The following RNF17 variants were observed in gnomAD, a reference collection of about 807,000 sequenced individuals.
The protein encoded by RNF17 is spermatogenesis associated 23.
A neutral mutation model predicts 200.5 loss-of-function variants in RNF17; 31 were observed. The observed-to-expected ratio is 0.15, with a 90% CI of 0.12 to 0.21. The LOEUF (loss-of-function observed/expected upper bound fraction) is 0.21. Among genes scored for constraint, RNF17 ranks in the 10% least tolerant of loss-of-function variants. The pLI is 1.00. For missense variants in RNF17, 1,628 were observed against 1,905.1 expected, an observed-to-expected ratio of 0.85 and a Z score of 2.71; for synonymous variants, 606 against 637.8, an observed-to-expected ratio of 0.95 and a Z score of 0.75.
At chr13:24,854,353 A>G (rs887543971) in intron 25 of RNF17, among the ~76,000 whole-genome samples, 1 of 152,340 alleles carries the variant, frequency 6.6e-6, no homozygotes, top group East Asian at 1.9e-4. Context: ...GCAGTGTTAT[A>G]TAATTATATT....
At chr13:24,755,231 C>A in the RNF17 span, among the ~76,000 whole-genome samples, 1 of 152,026 alleles carries the variant, frequency 6.6e-6, no homozygotes, top group South Asian at 2.1e-4. Flanking sequence ...GGTTTTTGAT[C>A]ATTTCCTGTG....
At chr13:24,840,864 G>A (rs911381919) in intron 18 of RNF17, among the ~76,000 whole-genome samples, 4 of 151,994 alleles carry the variant, frequency 2.6e-5, no homozygotes, top group East Asian at 3.9e-4. Flanking sequence ...CAAATACCAC[G>A]TGTACCCCTA....
chr13:24,789,455 C>T, intron 8 of RNF17, 31 bp downstream of exon 8: 1 of 1,423,644 alleles, frequency 7.0e-7, no homozygotes, highest in Non-Finnish European at 9.9e-7. Context: ...GAGACCATAA[C>T]AAGTATAAAG....
intron 18 of RNF17, among the ~76,000 whole-genome samples, chr13:24,838,818 CCAGAGCAGT>C (rs1890297423): frequency 6.8e-6 from 1 of 146,990 alleles, no homozygotes; most frequent in South Asian, 2.2e-4. Context: ...GAAGTCCTAG[CCAGAGCAGT>C]CAAGCAAGAG....
Position 24,864,744 on chromosome 13 carries a change from A to G in RNF17, c.3976-129A>G, listed in dbSNP as rs540338516. 183 of 670,418 alleles carry G rather than the reference A, an allele frequency of 2.7e-4. No homozygotes were observed. In the African/African-American group the frequency reaches 2.9e-3, roughly 11 times the overall value. The allele number at this position is 670,418 out of a possible 1,614,324, so 41.5% of individuals were successfully genotyped here. A position where few individuals can be genotyped will look rare whatever the true frequency, so the allele number is the denominator to read the frequency against. On this transcript the variant is annotated intron_variant, in intron 28 of 35. Transcript: ENST00000255324. ...AAATACCAGGAAGAAAATTCTATGA[A>G]ATGAGTCACTAGCCAAACTGTCTAG...
chr13:24,788,346 A>T (rs557131181), intron 7 of RNF17, among the ~76,000 whole-genome samples, 187 bp downstream of exon 7: 10 of 152,182 alleles, frequency 6.6e-5, no homozygotes, highest in Non-Finnish European at 1.3e-4. Flanking sequence ...GAAATCTAAG[A>T]CAAACATTGT....
rs1412566211 is a variant in RNF17 at position 24,793,162 on chromosome 13, C to T, written c.1056C>T (p.Val352=). ...AAAAGAAAAAGGTTGACATGTCTGT[C>T]CTAACCAGTGAAGCACCACCACCTC... is the stretch of plus-strand genomic sequence containing the variant. ...PLEKKKVDMS[V]LTSEAPPPPL... Residue 352 remains valine (V), a synonymous_variant, in exon 10 of 36, where the codon GTC becomes GTT. Coordinates refer to ENST00000255324, the MANE Select transcript of RNF17 (RefSeq NM_031277.3). 6.2e-7 allele frequency: 1 copy of T among 1,613,950 alleles called. No individual in the cohort carries two copies. Among genetic ancestry groups the T allele is most frequent in the Admixed American group, 1.7e-5 (1 of 59,984 alleles).
At chr13:24,755,255 A>G in the RNF17 span, among the ~76,000 whole-genome samples, 1 of 152,162 alleles carries the variant, frequency 6.6e-6, no homozygotes, top group Admixed American at 6.5e-5. Context: ...GTATTCTCAA[A>G]GCTGAAATTA....
intron 5 of RNF17, among the ~76,000 whole-genome samples, chr13:24,781,408 G>A (rs1882354296): frequency 6.6e-6 from 1 of 152,002 alleles, no homozygotes; most frequent in Non-Finnish European, 1.5e-5. Flanking sequence ...AAGGCAGGAG[G>A]ATCACTTGAG....
chr13:24,842,922 G>C (rs1890806093), intron 19 of RNF17, among the ~76,000 whole-genome samples: 1 of 151,816 alleles, frequency 6.6e-6, no homozygotes, highest in Non-Finnish European at 1.5e-5. Flanking sequence ...AGGAGGCGGA[G>C]GTTGCAGTGA....
intron 35 of RNF17, among the ~76,000 whole-genome samples, 190 bp downstream of exon 35, chr13:24,879,485 T>TG (rs1299806329): frequency 6.6e-6 from 1 of 152,170 alleles, no homozygotes; most frequent in African/African-American, 2.4e-5. Flanking sequence ...TCTGTAAGGA[T>TG]GCCTGGATGG....
At chr13:24,775,837 T>G (rs1464529734) in intron 3 of RNF17, among the ~76,000 whole-genome samples, 14 of 152,202 alleles carry the variant, frequency 9.2e-5, no homozygotes, top group Admixed American at 9.2e-4. Context: ...GTAAGCCCCT[T>G]TAAGGGAATG....
At chr13:24,883,685 T>G (rs1042363637), downstream of RNF17, among the ~76,000 whole-genome samples, 1 of 152,232 alleles carries the variant, frequency 6.6e-6, no homozygotes, top group Non-Finnish European at 1.5e-5. Context: ...ATCTGAGTGT[T>G]TGTTTGCTCT....
In RNF17 at chr13:24,799,445, A is replaced by G. The variant is rs978633201; in HGVS notation, c.1450A>G (p.Thr484Ala). ...TAAAAATGGAATGTGGTGTCGAGGA[A>G]CTATCACAGAATTAATTCCAATAGA... The part of the protein sequence containing the change: ...SIKNGMWCRG[T>A]ITELIPIEGR... Residue 484 changes from threonine to alanine, a missense_variant, in exon 12 of 36, where the codon ACT becomes GCT. Thr to Ala is a moderately conservative substitution (Grantham distance 58). Coordinates refer to ENST00000255324, the MANE Select transcript of RNF17 (RefSeq NM_031277.3). 6 of 1,610,812 alleles carry G rather than the reference A, an allele frequency of 3.7e-6. No individual in the cohort carries two copies. The highest frequency in any genetic ancestry group is 5.1e-6 in the Non-Finnish European group (6 of 1,178,008).
chr13:24,792,448 T>G (rs988366070), intron 9 of RNF17, among the ~76,000 whole-genome samples: 4 of 151,904 alleles, frequency 2.6e-5, no homozygotes, highest in African/African-American at 9.7e-5. Context: ...AGACAGAAGT[T>G]GAAGGAGAAC....
Position 24,776,184 on chromosome 13 carries a change from A to G in RNF17, c.317+1280A>G, listed in dbSNP as rs188159509. On this transcript the variant is annotated intron_variant, in intron 3 of 35. Coordinates refer to ENST00000255324, the MANE Select transcript of RNF17 (RefSeq NM_031277.3). ...TTACCTCCTGCAGATTCTGACTTCT[A>G]TAGTATCTCCTATGTCCATAACCTA... Among the ~76,000 whole-genome samples, 558 of 152,290 alleles carry G rather than the reference A, an allele frequency of 3.7e-3. 4 individuals carry two copies. Among genetic ancestry groups the G allele is most frequent in the Admixed American group, 5.0e-3 (76 of 15,286 alleles).
chr13:24,852,208 G>A (rs140020109), intron 24 of RNF17, among the ~76,000 whole-genome samples: 2,536 of 149,432 alleles, frequency 0.017, 33 homozygotes, highest in South Asian at 0.036. Context: ...GCGCAATCTC[G>A]GCTCACTGCA....
chr13:24,835,635 C>T (rs912840649), intron 18 of RNF17, among the ~76,000 whole-genome samples: 1 of 152,212 alleles, frequency 6.6e-6, no homozygotes, highest in Non-Finnish European at 1.5e-5. Context: ...AGTACTGCAT[C>T]AGGGGAACAC....
At chr13:24,763,529 TCTTA>T (rs1879067795), upstream of RNF17, among the ~76,000 whole-genome samples, 1 of 152,012 alleles carries the variant, frequency 6.6e-6, no homozygotes, top group African/African-American at 2.4e-5. Flanking sequence ...GAAGGCTAAT[TCTTA>T]CTGTCTCTAA....
Sources: allele counts gnomAD v4.1 joint callset (sites outside exome capture counted in the v4.1 genomes callset), GRCh38; gene constraint gnomAD v4.1.1; transcripts MANE v1.5; gene names NCBI Gene and HGNC (gene_info 2026-07-23, HGNC 2026-07-21).